CBL: variants seen among roughly 807,000 people sequenced by gnomAD.
The protein encoded by CBL is E3 ubiquitin-protein ligase CBL.
CBL carries 45 observed loss-of-function variants against 96.9 expected under a neutral mutation model. The ratio of observed to expected loss-of-function variants is 0.46; its 90% CI spans 0.37 to 0.60. The LOEUF is 0.60. Among genes scored for constraint, CBL ranks in the 20% least tolerant of loss-of-function variants. The probability of loss-of-function intolerance (pLI) is 0.00; values close to 1 mark genes in which losing one functional copy is unlikely to be tolerated. For missense variants in CBL, 1,024 were observed against 1,143.5 expected, an observed-to-expected ratio of 0.90 and a Z score of 1.51; for synonymous variants, 420 against 426.8, an observed-to-expected ratio of 0.98 and a Z score of 0.20.
chr11:119,292,992 T>C (rs556059287), intron 12 of CBL, among the ~76,000 whole-genome samples: 86 of 152,370 alleles, frequency 5.6e-4, no homozygotes, highest in Non-Finnish European at 6.9e-4. Context: ...GTATTTGATG[T>C]TTATTACTTT....
intron 2 of CBL, among the ~76,000 whole-genome samples, chr11:119,254,697 G>A (rs946655948): frequency 6.6e-6 from 1 of 152,016 alleles, no homozygotes; most frequent in Admixed American, 6.5e-5. Flanking sequence ...CGCCTCCCAG[G>A]TTCAAGCAAT....
At chr11:119,207,689 G>A (rs1949282724) in intron 1 of CBL, among the ~76,000 whole-genome samples, 1 of 152,098 alleles carries the variant, frequency 6.6e-6, no homozygotes, top group Non-Finnish European at 1.5e-5. Context: ...CGTTTTCTTG[G>A]TATTTTTCAT....
intron 1 of CBL, among the ~76,000 whole-genome samples, chr11:119,231,947 C>A (rs1170988435): frequency 3.4e-5 from 5 of 148,172 alleles, no homozygotes; most frequent in Non-Finnish European, 6.0e-5. Context: ...AAAAAAAAAA[C>A]AACAATTAGC....
At position 119,301,715 on chromosome 11, in the gene CBL, G is replaced by A. The variant is rs891238947; in HGVS notation, c.*1934G>A. On this transcript the variant is annotated 3_prime_UTR_variant, in exon 16 of 16. Coordinates refer to ENST00000264033, the MANE Select transcript of CBL (RefSeq NM_005188.4). ...GTGTCTTCTCTACATGGCATAAAGC[G>A]GCAAAGCCCACCATTAGGTGAGGCG... 2 of 233,118 alleles carry A rather than the reference G, an allele frequency of 8.6e-6. No individual in the cohort carries two copies. Among genetic ancestry groups the A allele is most frequent in the African/African-American group, 2.2e-5 (1 of 45,330 alleles). The allele number at this position is 233,118 out of a possible 1,614,324, so 14.4% of individuals were successfully genotyped here.
intron 2 of CBL, among the ~76,000 whole-genome samples, chr11:119,240,689 A>G (rs1042148606): frequency 1.3e-5 from 2 of 152,156 alleles, no homozygotes; most frequent in Non-Finnish European, 2.9e-5. Context: ...TGGGAGACAT[A>G]TGTGTTCCTT....
intron 12 of CBL, among the ~76,000 whole-genome samples, chr11:119,292,864 C>T (rs536212): frequency 6.6e-6 from 1 of 152,098 alleles, no homozygotes; most frequent in Non-Finnish European, 1.5e-5. Flanking sequence ...TACAGTTGCT[C>T]CTCAACTTAA....
In CBL at chr11:119,277,286, C is replaced by T. The variant is rs550828560; in HGVS notation, c.1008-471C>T. 6.3e-4 allele frequency among the ~76,000 whole-genome samples: 89 copies of T among 142,344 alleles called. 1 individual carries two copies. Among genetic ancestry groups the T allele is most frequent in the Non-Finnish European group, 1.2e-3 (78 of 64,584 alleles). 93.4% of individuals were successfully genotyped at this position (142,344 alleles called of 152,430 possible). A position where few individuals can be genotyped will look rare whatever the true frequency, so the allele number is the denominator to read the frequency against. On this transcript the variant is annotated intron_variant, in intron 6 of 15. Transcript: ENST00000264033. Reference sequence around the variant, plus strand: ...ACACACACACATAAAGAATTTCTATCTGGTGGCCATCCATTGATTAAAAAT... The same window carrying T: ...ACACACACACATAAAGAATTTCTATTTGGTGGCCATCCATTGATTAAAAAT...
intron 15 of CBL, 129 bp from the exon 16 acceptor site, chr11:119,299,366 G>T: frequency 1.2e-6 from 1 of 826,514 alleles, no homozygotes. Context: ...ACCCAGCCTT[G>T]TGACTGAAGA....
intron 1 of CBL, 107 bp from the exon 2 acceptor site, chr11:119,232,341 T>C: frequency 1.6e-6 from 2 of 1,233,962 alleles, no homozygotes; most frequent in Non-Finnish European, 2.3e-6. Context: ...TCATGTATTT[T>C]TCATATTTTG....
Position 119,301,622 on chromosome 11 carries a change from C to T in CBL, c.*1841C>T, listed in dbSNP as rs912868512. 1.7e-5 allele frequency: 4 copies of T among 233,166 alleles called. No individual in the cohort carries two copies. Among genetic ancestry groups the T allele is most frequent in the Admixed American group, 5.6e-5 (1 of 17,772 alleles). 14.4% of individuals were successfully genotyped at this position (233,166 alleles called of 1,614,324 possible). On this transcript the variant is annotated 3_prime_UTR_variant, in exon 16 of 16. Transcript: ENST00000264033. The stretch of plus-strand genomic sequence containing the variant: ...TAGATCTTTTGGTTTTATCCCCTGG[C>T]CTCAGAGCCATTTATATTCCCAGAG...
rs962693326 is a variant in CBL at position 119,223,885 on chromosome 11, G to A, written c.196-8563G>A. On this transcript the variant is annotated intron_variant, in intron 1 of 15. Coordinates refer to ENST00000264033, the MANE Select transcript of CBL (RefSeq NM_005188.4). Reference sequence around the variant, plus strand: ...CATGATCTGCCCACTGCAGCCTCCCGAAGTGCTGGGATTACAGGTGTGAGC... The same window carrying A: ...CATGATCTGCCCACTGCAGCCTCCCAAAGTGCTGGGATTACAGGTGTGAGC... Among the ~76,000 whole-genome samples the A allele has an allele frequency of 3.3e-5, 5 of 152,058 alleles. No homozygotes were observed. In the South Asian group the frequency reaches 8.3e-4, roughly 25 times the overall value.
At position 119,302,425 on chromosome 11, in the gene CBL, A is replaced by C. The variant is rs139364751; in HGVS notation, c.*2644A>C. On this transcript the variant is annotated 3_prime_UTR_variant, in exon 16 of 16. Transcript: ENST00000264033. Reference sequence around the variant, plus strand: ...CCCTCCATTTGTATGGCAATTTAAAAGTCTTTGGCTTTGCTCTGAATTTAA... The same window carrying C: ...CCCTCCATTTGTATGGCAATTTAAACGTCTTTGGCTTTGCTCTGAATTTAA... 1 of 232,870 alleles carries C rather than the reference A, an allele frequency of 4.3e-6. No homozygotes were observed. The highest frequency in any genetic ancestry group is 2.2e-5 in the African/African-American group (1 of 45,338). 14.4% of individuals were successfully genotyped at this position (232,870 alleles called of 1,614,324 possible). A position where few individuals can be genotyped will look rare whatever the true frequency, so the allele number is the denominator to read the frequency against.
chr11:119,219,560 A>ATTATTAT (rs1949391480), intron 1 of CBL, among the ~76,000 whole-genome samples: 1 of 152,038 alleles, frequency 6.6e-6, no homozygotes, highest in Non-Finnish European at 1.5e-5. Flanking sequence ...GTTTGAGGCA[A>ATTATTAT]CCACTGAGGG....
chr11:119,223,286 C>G (rs1053633605), intron 1 of CBL, among the ~76,000 whole-genome samples: 6 of 145,600 alleles, frequency 4.1e-5, no homozygotes, highest in African/African-American at 1.5e-4. Flanking sequence ...CCCGTCTCAG[C>G]CTTTCAAAGT....
intron 2 of CBL, among the ~76,000 whole-genome samples, chr11:119,235,457 T>A (rs184286517): frequency 3.3e-5 from 5 of 152,298 alleles, no homozygotes; most frequent in African/African-American, 9.6e-5. Flanking sequence ...CATTTATTAT[T>A]CAGTAAGTGG....
intron 1 of CBL, among the ~76,000 whole-genome samples, chr11:119,224,562 G>A (rs975487856): frequency 2.2e-4 from 34 of 152,110 alleles, no homozygotes; most frequent in Admixed American, 6.6e-5. Flanking sequence ...TTACAATAAA[G>A]TAAGCCAGAT....
intron 9 of CBL, among the ~76,000 whole-genome samples, chr11:119,284,585 T>G (rs1411313832): frequency 6.6e-6 from 1 of 152,140 alleles, no homozygotes; most frequent in African/African-American, 2.4e-5. Context: ...GCCCCTTACT[T>G]TTTATATGGA....
Position 119,278,257 on chromosome 11 carries a change from G to A in CBL, c.1187G>A (p.Cys396Tyr), listed in dbSNP as rs1949905062. ...GATAAGGATGTAAAGATTGAGCCCT[G>A]TGGACACCTCATGTGCACATCCTGT... Reference protein sequence around the residue: ...ENDKDVKIEPCGHLMCTSCLT... With the variant: ...ENDKDVKIEPYGHLMCTSCLT... The change falls in exon 8 of 16, where the codon TGT becomes TAT. Residue 396 changes from cysteine (C) to tyrosine (Y), a missense_variant. This residue lies in a region of CBL where 695 missense variants were observed against 661.6 expected (regional missense o/e 1.05). Coordinates refer to ENST00000264033, the MANE Select transcript of CBL (RefSeq NM_005188.4). 1.2e-6 allele frequency: 2 copies of A among 1,613,918 alleles called. No individual in the cohort carries two copies. The highest frequency in any genetic ancestry group is 1.7e-6 in the Non-Finnish European group (2 of 1,179,834).
Position 119,206,449 on chromosome 11 carries a change from C to CCGGGGG in CBL, c.36_41dup (p.Gly13_Gly14dup). 6.3e-7 allele frequency: 1 copy of CCGGGGG among 1,580,122 alleles called. No individual in the cohort carries two copies. The highest frequency in any genetic ancestry group is 1.3e-5 in the African/African-American group (1 of 74,516). ...GGCAACGTGAAGAAGAGCTCTGGGG[C>CCGGGGG]CGGGGGCGGCAGCGGCTCCGGGGGC... is the stretch of plus-strand genomic sequence containing the variant. On this transcript the variant is annotated inframe_insertion, in exon 1 of 16. Transcript: ENST00000264033.
Sources: allele counts gnomAD v4.1 joint callset (sites outside exome capture counted in the v4.1 genomes callset), GRCh38; gene constraint gnomAD v4.1.1; regional missense constraint gnomAD v4.1.1; transcripts MANE v1.5; gene names NCBI Gene and HGNC (gene_info 2026-07-23, HGNC 2026-07-21).